The following SLIT3 variants were observed in gnomAD, a reference collection of about 807,000 sequenced individuals.
SLIT3 encodes slit homolog 3 protein.
Under a neutral mutation model 184.0 loss-of-function variants are expected in SLIT3, and 68 were observed. The ratio of observed to expected loss-of-function variants is 0.37; its 90% confidence interval spans 0.30 to 0.45. SLIT3 has a LOEUF of 0.45. Among genes scored for constraint, SLIT3 ranks in the 20% least tolerant of loss-of-function variants. The pLI, the probability that SLIT3 is intolerant of heterozygous loss-of-function variation, is 1.00. For missense variants in SLIT3, 1,707 were observed against 2,026.0 expected (o/e 0.84, Z 3.02); for synonymous variants, 831 against 828.6 (o/e 1.00, Z -0.05).
At chr5:169,259,694 G>T (rs543589167) in intron 1 of SLIT3, among the ~76,000 whole-genome samples, 98 of 152,282 alleles carry the variant, frequency 6.4e-4, no homozygotes, top group African/African-American at 2.3e-3. Context: ...CTCATGTTGG[G>T]CATGATGTCT....
chr5:169,263,445 T>G (rs1766268567), intron 1 of SLIT3, among the ~76,000 whole-genome samples: 1 of 151,916 alleles, frequency 6.6e-6, no homozygotes, highest in African/African-American at 2.4e-5. Context: ...TGCCAAGGGC[T>G]GCTGGCAAGC....
At chr5:169,270,369 C>T (rs965756217) in intron 1 of SLIT3, among the ~76,000 whole-genome samples, 1 of 152,124 alleles carries the variant, frequency 6.6e-6, no homozygotes, top group Non-Finnish European at 1.5e-5. Flanking sequence ...GGCCCACTGC[C>T]TGTTTTCATA....
At chr5:168,988,781 C>A (rs564620316) in intron 4 of SLIT3, among the ~76,000 whole-genome samples, 24 of 152,272 alleles carry the variant, frequency 1.6e-4, no homozygotes, top group African/African-American at 5.3e-4. Context: ...AGACCCCCCC[C>A]CAGGGGCAGG....
chr5:168,666,808 C>T (rs756771271), intron 35 of SLIT3, 119 bp from the exon 36 acceptor site: 33 of 1,492,654 alleles, frequency 2.2e-5, no homozygotes, highest in Non-Finnish European at 2.9e-5. Context: ...AATTTATTCA[C>T]TCATCCATCT....
At chr5:168,711,163 G>T in intron 24 of SLIT3, 105 bp from the exon 25 acceptor site, 1 of 1,065,418 alleles carries the variant, frequency 9.4e-7, no homozygotes, top group Non-Finnish European at 1.3e-6. Flanking sequence ...CTAGACTGGA[G>T]GTATCCAATA....
Position 168,835,354 on chromosome 5 carries a change from C to G in SLIT3, c.557+9230G>C, listed in dbSNP as rs577699006. On this transcript the variant is annotated intron_variant, in intron 6 of 35. Transcript: ENST00000519560. ...CAGTTGGAGTCCTCCGATTTAGTTACAAGTTAAAAGAAAATGGACTCTCTA... is the reference window on the plus strand; with the variant it reads ...CAGTTGGAGTCCTCCGATTTAGTTAGAAGTTAAAAGAAAATGGACTCTCTA... 5.9e-5 allele frequency among the ~76,000 whole-genome samples: 9 copies of G among 152,026 alleles called. No homozygotes were observed. The South Asian group carries it at 1.9e-3, about 32-fold the overall frequency.
intron 28 of SLIT3, among the ~76,000 whole-genome samples, chr5:168,695,272 G>C (rs552625880): frequency 3.2e-4 from 49 of 152,264 alleles, no homozygotes; most frequent in Admixed American, 1.8e-3. Flanking sequence ...CCTTAGGCTG[G>C]TATTTCCTAA....
intron 21 of SLIT3, 130 bp from the exon 22 acceptor site, chr5:168,723,134 T>C (rs1170234942): frequency 2.9e-6 from 2 of 689,022 alleles, no homozygotes; most frequent in African/African-American, 3.5e-5. Flanking sequence ...CACCTATTCA[T>C]TAATTCACTC....
At chr5:169,116,886 A>G (rs1334276140) in intron 4 of SLIT3, among the ~76,000 whole-genome samples, 1 of 152,242 alleles carries the variant, frequency 6.6e-6, no homozygotes, top group Non-Finnish European at 1.5e-5. Context: ...GGAAGCAAGG[A>G]GTAGCTGATT....
chr5:168,847,035 A>G (rs1011735139), intron 5 of SLIT3, among the ~76,000 whole-genome samples: 4 of 152,200 alleles, frequency 2.6e-5, no homozygotes, highest in Non-Finnish European at 5.9e-5. Context: ...TACTCAGCAA[A>G]CTGAAGTGGT....
At chr5:168,668,279 A>G (rs964787932) in intron 35 of SLIT3, among the ~76,000 whole-genome samples, 6 of 152,160 alleles carry the variant, frequency 3.9e-5, no homozygotes, top group African/African-American at 1.4e-4. Context: ...GCTTGGATAC[A>G]TATGCGAATC....
chr5:169,299,187 C>T (rs1767601526), intron 1 of SLIT3, among the ~76,000 whole-genome samples: 1 of 152,076 alleles, frequency 6.6e-6, no homozygotes, highest in African/African-American at 2.4e-5. Flanking sequence ...TTCTGTGGTT[C>T]AACCCAACAA....
At chr5:168,781,081 T>C (rs1211798562) in intron 12 of SLIT3, among the ~76,000 whole-genome samples, 1 of 152,198 alleles carries the variant, frequency 6.6e-6, no homozygotes, top group Non-Finnish European at 1.5e-5. Context: ...TGGGTTGTCA[T>C]GGTGATTCCC....
At position 168,762,414 on chromosome 5, in the gene SLIT3, G is replaced by T. The variant is rs1755188399; in HGVS notation, c.1610+125C>A. ...TCTACCTTCAGACCAGTATGTGAAA[G>T]ACAGCCAACAAACACCACATGACTG... On this transcript the variant is annotated intron_variant, in intron 15 of 35. Transcript: ENST00000519560. 11 of 988,894 alleles carry T rather than the reference G, an allele frequency of 1.1e-5. No individual in the cohort carries two copies. The Admixed American group carries it at 1.1e-4, about 10-fold the overall frequency. The allele number at this position is 988,894 out of a possible 1,614,324, so 61.3% of individuals were successfully genotyped here. A position where few individuals can be genotyped will look rare whatever the true frequency, so the allele number is the denominator to read the frequency against.
chr5:168,703,730 G>T (rs1053124003), intron 26 of SLIT3, among the ~76,000 whole-genome samples: 3 of 151,960 alleles, frequency 2.0e-5, no homozygotes, highest in Admixed American at 6.6e-5. Context: ...AGCGTGGGCG[G>T]ATCACAAGGT....
intron 3 of SLIT3, among the ~76,000 whole-genome samples, chr5:169,193,793 A>T (rs1171487092): frequency 6.6e-6 from 1 of 152,194 alleles, no homozygotes; most frequent in Non-Finnish European, 1.5e-5. Context: ...CTGTGCTGCC[A>T]CACCTCCATC....
intron 32 of SLIT3, among the ~76,000 whole-genome samples, chr5:168,680,664 G>A (rs895245055): frequency 1.6e-4 from 24 of 152,074 alleles, no homozygotes; most frequent in African/African-American, 5.8e-4. Flanking sequence ...TGGCCTCCTG[G>A]CCCCCTCGGC....
At chr5:169,201,710 G>A (rs1313572626) in intron 3 of SLIT3, among the ~76,000 whole-genome samples, 2 of 152,182 alleles carry the variant, frequency 1.3e-5, no homozygotes, top group Admixed American at 1.3e-4. Flanking sequence ...GAGAACATGT[G>A]GCCTCCAAGG....
At chr5:169,011,746 T>C (rs1402967147) in intron 4 of SLIT3, among the ~76,000 whole-genome samples, 1 of 152,166 alleles carries the variant, frequency 6.6e-6, no homozygotes, top group Non-Finnish European at 1.5e-5. Context: ...AGTAACCCGA[T>C]GTTATTGTCA....
Sources: gnomAD v4.1 joint callset for allele counts (sites outside exome capture counted in the v4.1 genomes callset) on GRCh38, gnomAD v4.1.1 for gene constraint, MANE v1.5 for transcripts, NCBI Gene and HGNC (gene_info 2026-07-23, HGNC 2026-07-21) for gene names.